The following TWIST2 variants were observed in gnomAD, a reference collection of about 807,000 sequenced individuals.
The protein encoded by TWIST2 is twist-related protein 2.
In TWIST2, 1 loss-of-function variant was observed where a neutral mutation model predicts 11.6. The observed-to-expected ratio is 0.09, with a 90% CI of 0.03 to 0.41. The LOEUF is 0.41. Ranked by LOEUF, TWIST2 falls within the 10% of genes least tolerant of loss-of-function variation. The pLI is 0.98. For synonymous variants in TWIST2, 87 were observed against 96.6 expected (o/e 0.90, Z 0.58); for missense variants, 168 against 226.4 (o/e 0.74, Z 1.66).
intron 1 of TWIST2, among the ~76,000 whole-genome samples, chr2:238,857,778 A>T (rs1297411051): frequency 6.6e-6 from 1 of 152,058 alleles, no homozygotes; most frequent in East Asian, 1.9e-4. Flanking sequence ...CTCTACTAAA[A>T]ATACAAAAAT....
intron 1 of TWIST2, among the ~76,000 whole-genome samples, chr2:238,875,820 G>C (rs975856528): frequency 1.6e-4 from 24 of 152,340 alleles, no homozygotes; most frequent in African/African-American, 5.5e-4. Context: ...TTACCTCACA[G>C]ATCCTTGGCA....
intron 1 of TWIST2, among the ~76,000 whole-genome samples, chr2:238,899,507 C>T (rs1693244279): frequency 6.6e-6 from 1 of 152,208 alleles, no homozygotes; most frequent in Non-Finnish European, 1.5e-5. Flanking sequence ...TCCACTCTCC[C>T]AAGGCTGCGC....
intron 1 of TWIST2, among the ~76,000 whole-genome samples, chr2:238,895,123 C>T (rs1185807076): frequency 6.6e-6 from 1 of 152,144 alleles, no homozygotes; most frequent in Non-Finnish European, 1.5e-5. Flanking sequence ...CTGCCACTGC[C>T]GCTGCCACTG....
At chr2:238,885,327 CA>C (rs1258463728) in intron 1 of TWIST2, among the ~76,000 whole-genome samples, 5 of 152,360 alleles carry the variant, frequency 3.3e-5, no homozygotes, top group Non-Finnish European at 7.3e-5. Flanking sequence ...CTGCCCGACT[CA>C]GCTTGCTTTA....
At chr2:238,855,730 A>G (rs1692318022) in intron 1 of TWIST2, among the ~76,000 whole-genome samples, 1 of 152,180 alleles carries the variant, frequency 6.6e-6, no homozygotes, top group Non-Finnish European at 1.5e-5. Context: ...CGAGAAGCCC[A>G]CCATCAGGTC....
chr2:238,899,436 C>A (rs1693243661), intron 1 of TWIST2, among the ~76,000 whole-genome samples: 2 of 152,212 alleles, frequency 1.3e-5, no homozygotes, highest in East Asian at 1.9e-4. Flanking sequence ...TGCAGCACGC[C>A]CTATTGTTAC....
At chr2:238,871,912 G>T (rs1245738311) in intron 1 of TWIST2, among the ~76,000 whole-genome samples, 1 of 152,186 alleles carries the variant, frequency 6.6e-6, no homozygotes, top group Non-Finnish European at 1.5e-5. Flanking sequence ...GGAAGTGCGT[G>T]TTTAGTGGGG....
At chr2:238,903,394 T>C (rs1453139199) in intron 1 of TWIST2, among the ~76,000 whole-genome samples, 2 of 143,348 alleles carry the variant, frequency 1.4e-5, no homozygotes, top group African/African-American at 2.6e-5. Flanking sequence ...TGATGTGAGG[T>C]GTGTCTAATG....
In TWIST2 at chr2:238,848,454, A is replaced by T. The variant is rs1692174229; in HGVS notation, c.239A>T (p.Gln80Leu). The change falls in exon 1 of 2, where the codon CAG (glutamine) becomes CTG (leucine). Residue 80 changes from glutamine (Q) to leucine (L), a missense_variant. This residue lies in a region of TWIST2 where 23 missense variants were observed against 58.5 expected (regional missense o/e 0.39). Coordinates refer to ENST00000612363, the MANE Select transcript of TWIST2 (RefSeq NM_001271893.4). The stretch of plus-strand genomic sequence containing the variant: ...AACGTGCGCGAGCGCCAGCGCACCC[A>T]GTCGCTCAACGAGGCCTTCGCGGCG... ...LANVRERQRT[Q>L]SLNEAFAALR... 6.4e-7 allele frequency: 1 copy of T among 1,557,744 alleles called. No homozygotes were observed. The highest frequency in any genetic ancestry group is 8.7e-7 in the Non-Finnish European group (1 of 1,154,926).
chr2:238,848,403 A>C lies in TWIST2; in HGVS notation c.188A>C (p.Glu63Ala), dbSNP rs1402900983. ...AGCCCCAGCGCGCAGTCCTTCGAGG[A>C]GCTGCAGAGCCAGCGCATCCTGGCC... ...KGSPSAQSFE[E>A]LQSQRILANV... The change falls in exon 1 of 2, where the codon GAG becomes GCG. Residue 63 changes from glutamate (E) to alanine (A), a missense_variant. Glu to Ala is a moderately radical substitution (Grantham distance 107). Transcript: ENST00000612363. The C allele has an allele frequency of 1.3e-6, 2 of 1,537,044 alleles. No individual in the cohort carries two copies. The highest frequency in any genetic ancestry group is 1.7e-6 in the Non-Finnish European group (2 of 1,146,762).
intron 1 of TWIST2, among the ~76,000 whole-genome samples, chr2:238,908,436 T>C (rs1193004239): frequency 2.7e-5 from 4 of 149,852 alleles, no homozygotes; most frequent in African/African-American, 9.9e-5. Context: ...ACATACCACA[T>C]ACACACACAT....
At chr2:238,865,886 A>AC (rs1207133526) in intron 1 of TWIST2, among the ~76,000 whole-genome samples, 1 of 150,916 alleles carries the variant, frequency 6.6e-6, no homozygotes, top group African/African-American at 2.4e-5. Flanking sequence ...GCTGTGATGA[A>AC]CCCTTTCCAG....
intron 1 of TWIST2, among the ~76,000 whole-genome samples, chr2:238,908,217 AC>A (rs1393392802): frequency 2.1e-4 from 28 of 135,400 alleles, no homozygotes; most frequent in African/African-American, 6.3e-4. Context: ...GTACACATAT[AC>A]CCCCCATACA....
At chr2:238,857,522 T>G (rs1692352866) in intron 1 of TWIST2, among the ~76,000 whole-genome samples, 1 of 152,108 alleles carries the variant, frequency 6.6e-6, no homozygotes, top group Non-Finnish European at 1.5e-5. Flanking sequence ...AGGCCACTGC[T>G]GCGGTTTGCA....
chr2:238,904,690 T>C (rs1693320574), intron 1 of TWIST2, among the ~76,000 whole-genome samples: 1 of 152,150 alleles, frequency 6.6e-6, no homozygotes, highest in African/African-American at 2.4e-5. Flanking sequence ...CTGCTAGATT[T>C]CTCTGATCCA....
intron 1 of TWIST2, among the ~76,000 whole-genome samples, chr2:238,895,794 A>G: frequency 6.6e-6 from 1 of 152,268 alleles, no homozygotes; most frequent in South Asian, 2.1e-4. Flanking sequence ...GAGGCTCTGC[A>G]GGGTGGCCTC....
chr2:238,849,518 G>A (rs1007522718), intron 1 of TWIST2, among the ~76,000 whole-genome samples: 2 of 152,208 alleles, frequency 1.3e-5, no homozygotes, highest in African/African-American at 2.4e-5. Flanking sequence ...CCTAGGAACT[G>A]GGAGCCCTGA....
chr2:238,878,793 G>T (rs939809551), intron 1 of TWIST2, among the ~76,000 whole-genome samples: 4 of 151,940 alleles, frequency 2.6e-5, no homozygotes, highest in Non-Finnish European at 5.9e-5. Context: ...AGAGGAGGCT[G>T]TCCCAGCAGT....
chr2:238,853,478 A>AGAGAGC (rs1421044579), intron 1 of TWIST2, among the ~76,000 whole-genome samples: 3 of 151,356 alleles, frequency 2.0e-5, no homozygotes, highest in African/African-American at 2.4e-5. Context: ...AGAGAGAGAG[A>AGAGAGC]GAAACTCAAA....
Sources: gnomAD v4.1 joint callset for allele counts (sites outside exome capture counted in the v4.1 genomes callset) on GRCh38, gnomAD v4.1.1 for gene constraint, gnomAD v4.1.1 regional missense constraint, MANE v1.5 for transcripts, NCBI Gene and HGNC (gene_info 2026-07-23, HGNC 2026-07-21) for gene names.